Variants in RNGTT observed in about 807,000 individuals in gnomAD.
The protein encoded by RNGTT is mRNA-capping enzyme.
Under a neutral mutation model 79.3 loss-of-function variants are expected in RNGTT, and 33 were observed. The ratio of observed to expected loss-of-function variants is 0.42; its 90% CI spans 0.32 to 0.56. The LOEUF (loss-of-function observed/expected upper bound fraction) is 0.56. Ranked by LOEUF, RNGTT falls within the 20% of genes least tolerant of loss-of-function variation. The probability of loss-of-function intolerance (pLI) is 0.17; values close to 1 mark genes in which losing one functional copy is unlikely to be tolerated. For synonymous variants in RNGTT, 222 were observed against 235.9 expected, an observed-to-expected ratio of 0.94 and a Z score of 0.54; for missense variants, 497 against 739.1, an observed-to-expected ratio of 0.67 and a Z score of 3.80.
At chr6:88,927,536 C>A (rs1784360704) in intron 4 of RNGTT, among the ~76,000 whole-genome samples, 1 of 152,106 alleles carries the variant, frequency 6.6e-6, no homozygotes, top group Admixed American at 6.5e-5. Flanking sequence ...GTGGCACATG[C>A]CTGTAATCCC....
chr6:88,931,193 A>C (rs1259002230), intron 2 of RNGTT, among the ~76,000 whole-genome samples: 2 of 150,548 alleles, frequency 1.3e-5, no homozygotes, highest in Non-Finnish European at 3.0e-5. Flanking sequence ...GCTGTAAAAA[A>C]AAAAAAAAAA....
chr6:88,759,567 T>A (rs1332397496), intron 13 of RNGTT, among the ~76,000 whole-genome samples: 1 of 152,134 alleles, frequency 6.6e-6, no homozygotes, highest in Non-Finnish European at 1.5e-5. Flanking sequence ...CATGTGAACA[T>A]ATATATTCAA....
intron 5 of RNGTT, among the ~76,000 whole-genome samples, chr6:88,905,353 G>T (rs1398690872): frequency 6.6e-6 from 1 of 152,172 alleles, no homozygotes; most frequent in East Asian, 1.9e-4. Context: ...TAAGAGTCTA[G>T]ATCATCAAAG....
intron 14 of RNGTT, among the ~76,000 whole-genome samples, chr6:88,650,102 G>A (rs891380763): frequency 6.6e-6 from 1 of 152,140 alleles, no homozygotes; most frequent in Non-Finnish European, 1.5e-5. Context: ...ACTCCTAAAA[G>A]GGTCTGGGAG....
At chr6:88,753,594 C>G (rs1777910866) in intron 13 of RNGTT, among the ~76,000 whole-genome samples, 2 of 151,764 alleles carry the variant, frequency 1.3e-5, no homozygotes, top group Admixed American at 6.6e-5. Flanking sequence ...CTGTCAATAC[C>G]AATTCCAATT....
chr6:88,871,844 C>T (rs945304852), intron 8 of RNGTT, among the ~76,000 whole-genome samples: 6 of 152,130 alleles, frequency 3.9e-5, no homozygotes, highest in African/African-American at 1.2e-4. Flanking sequence ...GAGAGTAAAA[C>T]TATCATAAAT....
rs1784782453 is a variant in RNGTT at position 88,939,631 on chromosome 6, G to A, written c.174+1440C>T. Among the ~76,000 whole-genome samples, 3 of 151,802 alleles carry A rather than the reference G, an allele frequency of 2.0e-5. No individual in the cohort carries two copies. In the South Asian group the frequency reaches 6.3e-4, roughly 32 times the overall value. On this transcript the variant is annotated intron_variant, in intron 2 of 15. Transcript: ENST00000369485. ...ACCATTTCATGAATTTTTTTATTAT[G>A]CTGCTGAAGGATTATGAATTTTTTA...
At chr6:88,674,297 C>T (rs182196671) in intron 14 of RNGTT, among the ~76,000 whole-genome samples, 5 of 152,244 alleles carry the variant, frequency 3.3e-5, no homozygotes, top group East Asian at 1.9e-4. Context: ...CCTGTAATCC[C>T]GGCACTTTCG....
At chr6:88,650,635 A>G (rs1308500479) in intron 14 of RNGTT, among the ~76,000 whole-genome samples, 1 of 152,226 alleles carries the variant, frequency 6.6e-6, no homozygotes, top group Non-Finnish European at 1.5e-5. Context: ...TATTATCTTT[A>G]TCTTTCTGAG....
intron 4 of RNGTT, among the ~76,000 whole-genome samples, chr6:88,910,705 T>C: frequency 6.6e-6 from 1 of 152,054 alleles, no homozygotes; most frequent in East Asian, 1.9e-4. Flanking sequence ...CTTTCCAAGG[T>C]CTATGTAAAA....
intron 14 of RNGTT, among the ~76,000 whole-genome samples, chr6:88,651,426 T>C (rs1435458371): frequency 2.0e-5 from 3 of 152,196 alleles, no homozygotes; most frequent in African/African-American, 4.8e-5. Context: ...TACAGGTTGT[T>C]TGAGAATTAA....
At position 88,742,983 on chromosome 6, in the gene RNGTT, T is replaced by C. The variant is rs146821485; in HGVS notation, c.1439+26791A>G. ...TACAGAAGCAATGTCTCAGAAGAAATAGGCATTACAGGGCTAGTCCTACAA... is the reference window on the plus strand; with the variant it reads ...TACAGAAGCAATGTCTCAGAAGAAACAGGCATTACAGGGCTAGTCCTACAA... On this transcript the variant is annotated intron_variant, in intron 13 of 15. Transcript: ENST00000369485. Among the ~76,000 whole-genome samples, 274 of 152,250 alleles carry C rather than the reference T, an allele frequency of 1.8e-3. 1 individual carries two copies. The highest frequency in any genetic ancestry group is 6.8e-3 in the Middle Eastern group (2 of 294).
intron 13 of RNGTT, among the ~76,000 whole-genome samples, chr6:88,696,906 T>C (rs1181100113): frequency 6.6e-6 from 1 of 152,202 alleles, no homozygotes; most frequent in East Asian, 1.9e-4. Context: ...GCTGAGTGGA[T>C]ATAATTCACA....
intron 6 of RNGTT, among the ~76,000 whole-genome samples, chr6:88,897,121 TA>T (rs1783277815): frequency 6.6e-6 from 1 of 152,198 alleles, no homozygotes; most frequent in Admixed American, 6.5e-5. Flanking sequence ...ATTTCTCCTT[TA>T]CATATTCTAA....
chr6:88,818,518 T>A (rs1292083417), intron 11 of RNGTT, among the ~76,000 whole-genome samples: 2 of 152,140 alleles, frequency 1.3e-5, no homozygotes, highest in Non-Finnish European at 2.9e-5. Context: ...GAGGTTGCAG[T>A]GAGCCAAGAT....
chr6:88,620,909 T>A (rs183859477), intron 14 of RNGTT, among the ~76,000 whole-genome samples: 1 of 152,292 alleles, frequency 6.6e-6, no homozygotes, highest in East Asian at 1.9e-4. Context: ...CCACATATTG[T>A]GCAAAAAAAT....
At chr6:88,695,933 A>G (rs1392041615) in intron 13 of RNGTT, among the ~76,000 whole-genome samples, 1 of 152,228 alleles carries the variant, frequency 6.6e-6, no homozygotes, top group African/African-American at 2.4e-5. Context: ...TCTCACTTAC[A>G]TGTGAAATTG....
intron 13 of RNGTT, among the ~76,000 whole-genome samples, chr6:88,705,442 C>T (rs779231654): frequency 2.6e-5 from 4 of 151,798 alleles, no homozygotes; most frequent in African/African-American, 4.8e-5. Context: ...TATGCAAAAC[C>T]AAAACTGACA....
At chr6:88,822,624 T>G (rs961609481) in intron 11 of RNGTT, among the ~76,000 whole-genome samples, 11 of 152,196 alleles carry the variant, frequency 7.2e-5, no homozygotes, top group South Asian at 2.1e-4. Flanking sequence ...TCATTCTCCA[T>G]CTACTGTCAA....
Sources: allele counts gnomAD v4.1 joint callset (sites outside exome capture counted in the v4.1 genomes callset), GRCh38; gene constraint gnomAD v4.1.1; transcripts MANE v1.5; gene names NCBI Gene and HGNC (gene_info 2026-07-23, HGNC 2026-07-21).